Variants in TMPRSS12 observed in about 807,000 individuals in gnomAD.
The protein encoded by TMPRSS12 is transmembrane serine protease 12.
Under a neutral mutation model 26.0 loss-of-function variants are expected in TMPRSS12, and 25 were observed. The observed-to-expected ratio is 0.96, with a 90% CI of 0.70 to 1.34. The LOEUF (loss-of-function observed/expected upper bound fraction) is 1.34, where lower values mean the gene tolerates loss of function less well. TMPRSS12 is among the 40% of genes most tolerant of loss of function. TMPRSS12 has a pLI of 0.00. For synonymous variants in TMPRSS12, 150 were observed against 161.7 expected, an observed-to-expected ratio of 0.93 and a Z score of 0.55; for missense variants, 441 against 440.1, an observed-to-expected ratio of 1.00 and a Z score of -0.02.
At chr12:50,879,796 C>G (rs948435313) in intron 3 of TMPRSS12, among the ~76,000 whole-genome samples, 2 of 151,854 alleles carry the variant, frequency 1.3e-5, no homozygotes, top group Non-Finnish European at 2.9e-5. Flanking sequence ...GGCAAAACCC[C>G]GTCTCCACAA....
intron 3 of TMPRSS12, among the ~76,000 whole-genome samples, chr12:50,867,943 C>T (rs1358793486): frequency 6.6e-6 from 1 of 152,196 alleles, no homozygotes; most frequent in African/African-American, 2.4e-5. Flanking sequence ...TTGCCACTAA[C>T]AAGCCACCAC....
intron 2 of TMPRSS12, among the ~76,000 whole-genome samples, chr12:50,848,944 A>G (rs1402407969): frequency 2.6e-5 from 4 of 152,226 alleles, no homozygotes; most frequent in Non-Finnish European, 4.4e-5. Context: ...GGCTCACTGC[A>G]GCATCAATCT....
At position 50,843,146 on chromosome 12, in the gene TMPRSS12, C is replaced by G. The variant is rs767996351; in HGVS notation, c.182C>G (p.Ala61Gly). The G allele has an allele frequency of 1.9e-6, 3 of 1,563,360 alleles. No homozygotes were observed. Among genetic ancestry groups the G allele is most frequent in the Admixed American group, 1.9e-5 (1 of 52,092 alleles). Residue 61 changes from alanine (A) to glycine (G), a missense_variant, in exon 1 of 5, where the codon GCA (alanine) becomes GGA (glycine). Transcript: ENST00000398458. ...CGGCGGAGGGAGGGAGGGGCGCATG[C>G]AGAGGGCAGTACCTGTTCGTGCCTG... is the stretch of plus-strand genomic sequence containing the variant. Reference protein sequence around the residue: ...LRRRREGGAHAEDCGTAPLKD... With the variant: ...LRRRREGGAHGEDCGTAPLKD...
chr12:50,873,151 C>T (rs900409599), intron 3 of TMPRSS12, among the ~76,000 whole-genome samples: 1 of 150,084 alleles, frequency 6.7e-6, no homozygotes, highest in South Asian at 2.1e-4. Context: ...GATGCAAAGG[C>T]ATATGAATGA....
rs145825186 is a variant in TMPRSS12 at position 50,849,442 on chromosome 12, A to G, written c.383+5405A>G. On this transcript the variant is annotated intron_variant, in intron 2 of 4. Coordinates refer to ENST00000398458, the MANE Select transcript of TMPRSS12 (RefSeq NM_182559.3). ...CCTTTTAAAAAATGTTCTGTTCTAC[A>G]ACTTTTGACAGTGTAGATAGTCATG... Among the ~76,000 whole-genome samples, 33 of 152,352 alleles carry G rather than the reference A, an allele frequency of 2.2e-4. No individual in the cohort carries two copies. In the East Asian group the frequency reaches 6.0e-3, roughly 28 times the overall value.
At chr12:50,858,180 C>T (rs1179682475) in intron 2 of TMPRSS12, among the ~76,000 whole-genome samples, 4 of 152,058 alleles carry the variant, frequency 2.6e-5, no homozygotes, top group Non-Finnish European at 5.9e-5. Context: ...AGTTAATATC[C>T]AAATGTTTCA....
intron 2 of TMPRSS12, among the ~76,000 whole-genome samples, chr12:50,844,840 T>A (rs759947160): frequency 6.6e-6 from 1 of 152,170 alleles, no homozygotes; most frequent in East Asian, 1.9e-4. Context: ...AACACTGAAA[T>A]CTGAATTTCA....
chr12:50,865,052 C>T (rs975032253), intron 3 of TMPRSS12, among the ~76,000 whole-genome samples: 1 of 152,126 alleles, frequency 6.6e-6, no homozygotes, highest in African/African-American at 2.4e-5. Flanking sequence ...ATTGGATAGG[C>T]TGGGTGCGGT....
intron 3 of TMPRSS12, among the ~76,000 whole-genome samples, chr12:50,859,715 T>A (rs1418706954): frequency 6.6e-6 from 1 of 152,198 alleles, no homozygotes; most frequent in East Asian, 1.9e-4. Context: ...CACAGCTGTC[T>A]ACAATACTTA....
At chr12:50,872,179 G>A (rs1038141734) in intron 3 of TMPRSS12, among the ~76,000 whole-genome samples, 1 of 152,108 alleles carries the variant, frequency 6.6e-6, no homozygotes, top group East Asian at 1.9e-4. Flanking sequence ...TTGCAGAATC[G>A]TGGAACCAAC....
At chr12:50,872,874 ACATATATATGACG>A (rs1938076944) in intron 3 of TMPRSS12, among the ~76,000 whole-genome samples, 2 of 108,586 alleles carry the variant, frequency 1.8e-5, no homozygotes, top group African/African-American at 6.1e-5. Context: ...CTATATATGT[ACATATATATGACG>A]TATATATGTA....
chr12:50,858,331 T>C (rs1381826729), intron 2 of TMPRSS12, among the ~76,000 whole-genome samples: 3 of 152,208 alleles, frequency 2.0e-5, no homozygotes, highest in Admixed American at 6.5e-5. Context: ...TCCAATTATT[T>C]TGAAGCAAAA....
At chr12:50,870,212 AAAAAC>A (rs1012185402) in intron 3 of TMPRSS12, among the ~76,000 whole-genome samples, 236 of 152,232 alleles carry the variant, frequency 1.6e-3, no homozygotes, top group Middle Eastern at 6.8e-3. Flanking sequence ...AACAACAACA[AAAAAC>A]AAAACAAAAC....
chr12:50,876,537 G>A (rs1055440559), intron 3 of TMPRSS12, among the ~76,000 whole-genome samples: 58 of 152,162 alleles, frequency 3.8e-4, no homozygotes, highest in African/African-American at 1.4e-3. Context: ...GGGTGCGGTG[G>A]CTCACGCCTG....
chr12:50,887,490 G>GTCA lies in TMPRSS12; in HGVS notation c.1027_1029dup (p.Ile343dup). On this transcript the variant is annotated inframe_insertion, in exon 5 of 5. Coordinates refer to ENST00000398458, the MANE Select transcript of TMPRSS12 (RefSeq NM_182559.3). ...CCAGATCCTCATAGCTTTATGTTTT[G>GTCA]TCATCTTACTAGCAACAACATAAAG... 6.2e-7 allele frequency: 1 copy of GTCA among 1,612,762 alleles called. No individual in the cohort carries two copies. The highest frequency in any genetic ancestry group is 1.3e-5 in the African/African-American group (1 of 74,942).
At position 50,887,852 on chromosome 12, in the gene TMPRSS12, TAA is replaced by T. The variant is rs1440816246; in HGVS notation, c.*343_*344del. 6 of 165,440 alleles carry T rather than the reference TAA, an allele frequency of 3.6e-5. No individual in the cohort carries two copies. The highest frequency in any genetic ancestry group is 6.5e-5 in the Non-Finnish European group (5 of 77,324). The allele number at this position is 165,440 out of a possible 1,614,324, so 10.2% of individuals were successfully genotyped here. A position where few individuals can be genotyped will look rare whatever the true frequency, so the allele number is the denominator to read the frequency against. On this transcript the variant is annotated 3_prime_UTR_variant, in exon 5 of 5. Transcript: ENST00000398458. ...GAAAGCTGTCATTTGGTTAAATTAA[TAA>T]AAATTCTTTCTTAGATTTTATTCTA...
At chr12:50,843,767 A>C in intron 1 of TMPRSS12, 75 bp from the exon 2 acceptor site, 1 of 1,405,428 alleles carries the variant, frequency 7.1e-7, no homozygotes, top group Non-Finnish European at 9.6e-7. Context: ...AAAGGATTGC[A>C]TTAATATGTT....
chr12:50,858,670 A>C (rs1031700876), intron 2 of TMPRSS12, 115 bp from the exon 3 acceptor site: 17 of 788,894 alleles, frequency 2.2e-5, no homozygotes, highest in Non-Finnish European at 3.1e-5. Context: ...TGTCACATGA[A>C]ACTGGAATTA....
At chr12:50,873,531 T>C (rs1404350012) in intron 3 of TMPRSS12, among the ~76,000 whole-genome samples, 1 of 152,108 alleles carries the variant, frequency 6.6e-6, no homozygotes, top group Non-Finnish European at 1.5e-5. Flanking sequence ...ATGTAAATGA[T>C]GCTAAAAGGG....
Sources: allele counts gnomAD v4.1 joint callset (sites outside exome capture counted in the v4.1 genomes callset), GRCh38; gene constraint gnomAD v4.1.1; transcripts MANE v1.5; gene names NCBI Gene and HGNC (gene_info 2026-07-23, HGNC 2026-07-21).